The following DAGLB variants were observed in gnomAD, a reference collection of about 807,000 sequenced individuals.
The protein encoded by DAGLB is diacylglycerol lipase beta.
A neutral mutation model predicts 72.1 loss-of-function variants in DAGLB; 66 were observed. The observed-to-expected ratio is 0.92, with a 90% CI of 0.75 to 1.12. The LOEUF (loss-of-function observed/expected upper bound fraction) is 1.12. Among genes scored for constraint, DAGLB ranks in the 50% most tolerant of loss-of-function variants. The probability of loss-of-function intolerance (pLI) is 0.00; values close to 1 mark genes in which losing one functional copy is unlikely to be tolerated. For synonymous variants in DAGLB, 414 were observed against 359.5 expected (o/e 1.15, Z -1.71); for missense variants, 1,065 against 884.9 (o/e 1.20, Z -2.58).
chr7:6,443,417 G>A (rs896151091), intron 2 of DAGLB, among the ~76,000 whole-genome samples: 12 of 152,152 alleles, frequency 7.9e-5, no homozygotes, highest in Non-Finnish European at 1.6e-4. Flanking sequence ...TTACGCCATT[G>A]CAGTCCAGCC....
intron 1 of DAGLB, among the ~76,000 whole-genome samples, chr7:6,447,355 G>A (rs988779819): frequency 2.0e-5 from 3 of 152,200 alleles, no homozygotes; most frequent in Admixed American, 1.3e-4. Context: ...ACAAAGGGAA[G>A]GAAGGGCACA....
chr7:6,427,227 T>C (rs1784342945), intron 6 of DAGLB, among the ~76,000 whole-genome samples: 1 of 152,246 alleles, frequency 6.6e-6, no homozygotes, highest in African/African-American at 2.4e-5. Context: ...ATAGCAATTC[T>C]GAAACTATTT....
Position 6,409,660 on chromosome 7 carries a change from TG to T in DAGLB, c.*176del. The T allele has an allele frequency of 2.6e-6, 2 of 757,374 alleles. No individual in the cohort carries two copies. Among genetic ancestry groups the T allele is most frequent in the Non-Finnish European group, 4.2e-6 (2 of 478,504 alleles). The allele number at this position is 757,374 out of a possible 1,614,324, so 46.9% of individuals were successfully genotyped here. A position where few individuals can be genotyped will look rare whatever the true frequency, so the allele number is the denominator to read the frequency against. ...GTGCTCACTACTTCTGCTACCATTA[TG>T]GCCACAATGACTTCCCATAAACTTA... On this transcript the variant is annotated 3_prime_UTR_variant, in exon 15 of 15. Coordinates refer to ENST00000297056, the MANE Select transcript of DAGLB (RefSeq NM_139179.4).
chr7:6,446,109 C>CAAA lies in DAGLB; in HGVS notation c.96-8_96-6dup. On this transcript the variant is annotated splice_polypyrimidine_tract_variant and splice_region_variant and intron_variant, in intron 1 of 14. Coordinates refer to ENST00000297056, the MANE Select transcript of DAGLB (RefSeq NM_139179.4). ...AACGTCAGAATGCCAATCCACCTGGCAAAAAAAAAAAAGGGAAGGGTCAGA... is the reference window on the plus strand; with the variant it reads ...AACGTCAGAATGCCAATCCACCTGGCAAAAAAAAAAAAAAAGGGAAGGGTCAGA... 8 of 1,266,940 alleles carry CAAA rather than the reference C, an allele frequency of 6.3e-6. No homozygotes were observed. The highest frequency in any genetic ancestry group is 4.3e-5 in the South Asian group (3 of 69,240). 78.5% of individuals were successfully genotyped at this position (1,266,940 alleles called of 1,614,324 possible).
chr7:6,447,786 G>A lies in DAGLB; in HGVS notation c.57C>T (p.Val19=). The A allele has an allele frequency of 1.2e-6, 2 of 1,613,742 alleles. No individual in the cohort carries two copies. ...CGACCAGCTCGAAGAACCCTGGGAA[G>A]ACCAAGTCGTCGCTGGCGATGGCCC... ...RRWAIASDDL[V]FPGFFELVVR... is the part of the protein sequence containing the mutation. The change falls in exon 1 of 15, where the codon GTC becomes GTT. Residue 19 remains valine (V), a synonymous_variant. Coordinates refer to ENST00000297056, the MANE Select transcript of DAGLB (RefSeq NM_139179.4).
In DAGLB at chr7:6,446,108, G is replaced by C. The variant is rs1441676399; in HGVS notation, c.96-4C>G. 1.3e-6 allele frequency: 2 copies of C among 1,557,714 alleles called. No homozygotes were observed. The highest frequency in any genetic ancestry group is 1.7e-6 in the Non-Finnish European group (2 of 1,157,534). On this transcript the variant is annotated splice_polypyrimidine_tract_variant and splice_region_variant and intron_variant, in intron 1 of 14. Coordinates refer to ENST00000297056, the MANE Select transcript of DAGLB (RefSeq NM_139179.4). Reference sequence around the variant, plus strand: ...CAACGTCAGAATGCCAATCCACCTGGCAAAAAAAAAAAAGGGAAGGGTCAG... The same window carrying C: ...CAACGTCAGAATGCCAATCCACCTGCCAAAAAAAAAAAAGGGAAGGGTCAG...
intron 2 of DAGLB, among the ~76,000 whole-genome samples, chr7:6,443,156 T>C (rs1784884163): frequency 7.2e-6 from 1 of 138,508 alleles, no homozygotes; most frequent in South Asian, 2.2e-4. Flanking sequence ...GCCACTGCAG[T>C]CCAGCCTGGG....
intron 2 of DAGLB, among the ~76,000 whole-genome samples, chr7:6,444,484 C>T (rs1408244306): frequency 6.6e-6 from 1 of 152,026 alleles, no homozygotes; most frequent in African/African-American, 2.4e-5. Flanking sequence ...TGCCTGTAAT[C>T]CCAGCTACAT....
At chr7:6,435,110 G>A (rs1784612898) in intron 3 of DAGLB, 90 bp from the exon 4 acceptor site, 1 of 1,546,514 alleles carries the variant, frequency 6.5e-7, no homozygotes, top group Admixed American at 1.9e-5. Flanking sequence ...TTCAGTTTCT[G>A]AGTCTCTACC....
At chr7:6,425,833 C>G (rs558723666) in intron 7 of DAGLB, among the ~76,000 whole-genome samples, 155 bp downstream of exon 7, 7 of 152,230 alleles carry the variant, frequency 4.6e-5, no homozygotes, top group Non-Finnish European at 8.8e-5. Context: ...GTGGCTCCCC[C>G]AGAGTCTGTG....
intron 13 of DAGLB, among the ~76,000 whole-genome samples, chr7:6,411,568 C>A (rs1783730020): frequency 6.6e-6 from 1 of 152,106 alleles, no homozygotes; most frequent in African/African-American, 2.4e-5. Flanking sequence ...CTGCAATGTG[C>A]CGAGACTGCG....
At position 6,410,185 on chromosome 7, in the gene DAGLB, G is replaced by T. The variant is rs149455276; in HGVS notation, c.1765C>A (p.Pro589Thr). The T allele has an allele frequency of 1.9e-6, 3 of 1,596,300 alleles. No individual in the cohort carries two copies. The highest frequency in any genetic ancestry group is 1.7e-6 in the Non-Finnish European group (2 of 1,169,096). The change falls in exon 14 of 15, where the codon CCT becomes ACT. Residue 589 changes from proline to threonine, a missense_variant. Transcript: ENST00000297056. The stretch of plus-strand genomic sequence containing the variant: ...ATGATCCTGCCGGGAGGGTAGAGAG[G>T]GGGGTACTTGGGAGAAGAGTCCAGT... ...SPLDSSPKYP[P>T]LYPPGRIIHL... is the part of the protein sequence containing the mutation.
rs754899540 is a variant in DAGLB, at chr7:6,436,510, G to A, written c.271C>T (p.Arg91Trp). 5 of 1,614,142 alleles carry A rather than the reference G, an allele frequency of 3.1e-6. No individual in the cohort carries two copies. Among genetic ancestry groups the A allele is most frequent in the Non-Finnish European group, 4.2e-6 (5 of 1,180,032 alleles). ...TAAAGCAGCTTAGACATAGACTTCC[G>A]CGGTCCAGGGTTACAAATCGTTCCT... ...MRGTICNPGP[R>W]KSMSKLLYIR... Residue 91 changes from arginine (R) to tryptophan (W), a missense_variant, in exon 3 of 15, where the codon CGG (arginine) becomes TGG (tryptophan). Arg to Trp is a moderately radical substitution (Grantham distance 101). Transcript: ENST00000297056.
In DAGLB at chr7:6,434,877, G is replaced by C; in HGVS notation, c.563C>G (p.Ala188Gly). 1 of 1,614,230 alleles carries C rather than the reference G, an allele frequency of 6.2e-7. No homozygotes were observed. ...TCTGGTTTCCCACACGCTTGTAGCTGCTGTCTTGAGGCCATTAAGTAACTG... is the reference window on the plus strand; with the variant it reads ...TCTGGTTTCCCACACGCTTGTAGCTCCTGTCTTGAGGCCATTAAGTAACTG... ...SSQLLNGLKTAATSVWETRIK... is the reference protein window; with the variant it reads ...SSQLLNGLKTGATSVWETRIK... Residue 188 changes from alanine (A) to glycine (G), a missense_variant, in exon 4 of 15, where the codon GCA (alanine) becomes GGA (glycine). Transcript: ENST00000297056.
chr7:6,419,385 A>ACCTACC (rs1784033506), intron 9 of DAGLB, among the ~76,000 whole-genome samples: 1 of 152,086 alleles, frequency 6.6e-6, no homozygotes, highest in Non-Finnish European at 1.5e-5. Flanking sequence ...CTCACTGGGC[A>ACCTACC]CCTACCCTGT....
chr7:6,447,922 G>T lies in DAGLB; in HGVS notation c.-80C>A, dbSNP rs1421344949. ...AACAAACCAGCACCCTCCGGACGCC[G>T]CCACCAAATTATCGGCGCTCAAGCG... On this transcript the variant is annotated 5_prime_UTR_variant, in exon 1 of 15. Coordinates refer to ENST00000297056, the MANE Select transcript of DAGLB (RefSeq NM_139179.4). 6.8e-7 allele frequency: 1 copy of T among 1,474,448 alleles called. No homozygotes were observed. The highest frequency in any genetic ancestry group is 9.0e-7 in the Non-Finnish European group (1 of 1,114,838). The allele number at this position is 1,474,448 out of a possible 1,614,324, so 91.3% of individuals were successfully genotyped here. A position where few individuals can be genotyped will look rare whatever the true frequency, so the allele number is the denominator to read the frequency against.
intron 1 of DAGLB, among the ~76,000 whole-genome samples, chr7:6,446,774 C>T (rs1785020118): frequency 6.6e-6 from 1 of 151,914 alleles, no homozygotes; most frequent in Non-Finnish European, 1.5e-5. Flanking sequence ...TTTGGGAGGC[C>T]AAGGCAGGAG....
At chr7:6,410,880 AT>A (rs35960882) in intron 13 of DAGLB, among the ~76,000 whole-genome samples, 16,068 of 98,108 alleles carry the variant, frequency 0.16, 850 homozygotes, top group East Asian at 0.47. Flanking sequence ...AATTTTTTGT[AT>A]TTTTTTTTTT....
At chr7:6,438,900 TCTC>T (rs58896760) in intron 2 of DAGLB, among the ~76,000 whole-genome samples, 1,874 of 151,986 alleles carry the variant, frequency 0.012, 40 homozygotes, top group African/African-American at 0.044. Flanking sequence ...ACTGAGAAAA[TCTC>T]CTTTACACGG....
Sources: gnomAD v4.1 joint callset for allele counts (sites outside exome capture counted in the v4.1 genomes callset) on GRCh38, gnomAD v4.1.1 for gene constraint, MANE v1.5 for transcripts, NCBI Gene and HGNC (gene_info 2026-07-23, HGNC 2026-07-21) for gene names.